GP6: variants seen among roughly 807,000 people sequenced by gnomAD.
GP6 encodes platelet glycoprotein VI.
A neutral mutation model predicts 37.3 loss-of-function variants in GP6; 45 were observed. The ratio of observed to expected loss-of-function variants is 1.21; its 90% CI spans 0.95 to 1.55. The LOEUF is 1.55. Among genes scored for constraint, GP6 ranks in the 40% most tolerant of loss-of-function variants. GP6 has a pLI of 0.00. For missense variants in GP6, 813 were observed against 760.2 expected, an observed-to-expected ratio of 1.07 and a Z score of -0.82; for synonymous variants, 340 against 316.4, an observed-to-expected ratio of 1.07 and a Z score of -0.79.
chr19:55,024,848 CAG>C (rs2074242963), intron 5 of GP6, among the ~76,000 whole-genome samples: 2 of 151,934 alleles, frequency 1.3e-5, no homozygotes, highest in African/African-American at 4.8e-5. Flanking sequence ...TTCAGTGACT[CAG>C]AAACAGAGTC....
chr19:55,034,742 C>CAT (rs2074763955), intron 1 of GP6, among the ~76,000 whole-genome samples: 1 of 151,616 alleles, frequency 6.6e-6, no homozygotes, highest in African/African-American at 2.4e-5. Context: ...CACACACACA[C>CAT]ACAAAGGCGG....
At chr19:55,032,009 G>A in intron 3 of GP6, 130 bp downstream of exon 3, 1 of 855,864 alleles carries the variant, frequency 1.2e-6, no homozygotes, top group South Asian at 1.4e-5. Context: ...ATCCATAAAT[G>A]TCGTGGCACC....
At chr19:55,019,717 G>A (rs1156714168) in intron 5 of GP6, among the ~76,000 whole-genome samples, 32 of 132,062 alleles carry the variant, frequency 2.4e-4, no homozygotes, top group African/African-American at 3.2e-4. Context: ...TTACTCTGTC[G>A]TCCAGGCTGG....
chr19:55,033,360 C>T (rs373938411), intron 1 of GP6, among the ~76,000 whole-genome samples: 4 of 59,094 alleles, frequency 6.8e-5, no homozygotes, highest in Admixed American at 2.3e-4. Flanking sequence ...TGGGCTCGTT[C>T]GTGTTGTGTT....
chr19:55,030,946 T>A (rs543431690), intron 3 of GP6, among the ~76,000 whole-genome samples: 1 of 152,238 alleles, frequency 6.6e-6, no homozygotes, highest in South Asian at 2.1e-4. Context: ...CCTCCCTGGC[T>A]CAAGCGATCC....
chr19:55,025,873 G>A (rs1247783560), intron 4 of GP6, among the ~76,000 whole-genome samples: 1 of 151,478 alleles, frequency 6.6e-6, no homozygotes, highest in Non-Finnish European at 1.5e-5. Flanking sequence ...ATGATGGCAG[G>A]TGCCTGTAAT....
chr19:55,031,716 C>T (rs2074564278), intron 3 of GP6, among the ~76,000 whole-genome samples: 1 of 152,138 alleles, frequency 6.6e-6, no homozygotes, highest in South Asian at 2.1e-4. Flanking sequence ...CACAGGAGTT[C>T]GAGACCAGCC....
intron 1 of GP6, among the ~76,000 whole-genome samples, chr19:55,035,412 G>A (rs970244494): frequency 1.6e-4 from 24 of 152,146 alleles, no homozygotes; most frequent in African/African-American, 5.3e-4. Context: ...GCATATCACC[G>A]ATAGTAGATT....
intron 3 of GP6, among the ~76,000 whole-genome samples, chr19:55,029,120 G>GAGGGAGGA (rs142664165): frequency 2.8e-5 from 4 of 145,138 alleles, no homozygotes; most frequent in South Asian, 4.3e-4. Context: ...GGGAGGGAGG[G>GAGGGAGGA]AGGAAGGAAG....
At chr19:55,017,722 C>G (rs2073927977) in intron 6 of GP6, among the ~76,000 whole-genome samples, 1 of 152,168 alleles carries the variant, frequency 6.6e-6, no homozygotes, top group South Asian at 2.1e-4. Context: ...GAACTGCATC[C>G]TGAGGGTGAT....
At chr19:55,019,114 T>TC (rs2073983093) in intron 5 of GP6, among the ~76,000 whole-genome samples, 1 of 149,350 alleles carries the variant, frequency 6.7e-6, no homozygotes, top group Non-Finnish European at 1.5e-5. Flanking sequence ...TTTCTTTTTT[T>TC]TTTTTTTTTG....
At chr19:55,032,484 A>G (rs756955728) in intron 2 of GP6, 22 bp downstream of exon 2, 3 of 1,613,702 alleles carry the variant, frequency 1.9e-6, no homozygotes, top group African/African-American at 2.7e-5. Flanking sequence ...GCAGGAGGGA[A>G]GGGGTCTGGG....
intron 5 of GP6, among the ~76,000 whole-genome samples, chr19:55,021,969 G>A (rs957716566): frequency 4.0e-5 from 6 of 151,786 alleles, no homozygotes; most frequent in African/African-American, 1.2e-4. Context: ...AGAAGTGACT[G>A]TTCATGTCCT....
intron 5 of GP6, among the ~76,000 whole-genome samples, chr19:55,021,446 C>T (rs2074079160): frequency 6.6e-6 from 1 of 151,526 alleles, no homozygotes. Flanking sequence ...AACTAATTTA[C>T]ATTCCCAACA....
Position 55,038,186 on chromosome 19 carries a change from T to C in GP6, c.34+17A>G. 1 of 1,579,148 alleles carries C rather than the reference T, an allele frequency of 6.3e-7. No homozygotes were observed. On this transcript the variant is annotated intron_variant, in intron 1 of 7. Transcript: ENST00000310373. ...CCTGTCCTTCAGCATTTCCCAGATC[T>C]GACCCTCAGGACTCACCAAGACAGA...
rs1471594672 is a variant in GP6, at chr19:55,029,368, A to T, written c.326-1506T>A. Among the ~76,000 whole-genome samples, 12 of 2,528 alleles carry T rather than the reference A, an allele frequency of 4.7e-3. 1 individual carries two copies. The highest frequency in any genetic ancestry group is 6.3e-3 in the Non-Finnish European group (10 of 1,586). The allele number at this position is 2,528 out of a possible 152,430, so 1.7% of individuals were successfully genotyped here. On this transcript the variant is annotated intron_variant, in intron 3 of 7. Transcript: ENST00000310373. ...TATATATATATATATATATATATAT[A>T]TATATATTTTTTTTTTTTTTTTTTT...
intron 5 of GP6, among the ~76,000 whole-genome samples, chr19:55,020,570 A>G (rs1379047672): frequency 2.0e-5 from 3 of 152,140 alleles, no homozygotes; most frequent in African/African-American, 7.2e-5. Context: ...TTATGGCTGC[A>G]TAGTATTCCA....
At position 55,032,221 on chromosome 19, in the gene GP6, A is replaced by C. The variant is rs1215307189; in HGVS notation, c.243T>G (p.Ser81Arg). ...AGGAGCAGCGGTAGCGTCCAGCCAG[A>C]CTTCTCTTCATGGCCGGGATGAAGA... The change falls in exon 3 of 8, where the codon AGT becomes AGG. Residue 81 changes from serine (S) to arginine (R), a missense_variant. Ser to Arg is a moderately radical substitution (Grantham distance 110). Coordinates refer to ENST00000310373, the MANE Select transcript of GP6 (RefSeq NM_001083899.2). 2 of 1,613,948 alleles carry C rather than the reference A, an allele frequency of 1.2e-6. No individual in the cohort carries two copies. Among genetic ancestry groups the C allele is most frequent in the Non-Finnish European group, 1.7e-6 (2 of 1,179,980 alleles).
Position 55,014,991 on chromosome 19 carries a change from AGCGGGAGGG to A in GP6, c.945_953del (p.Pro316_Ala318del), listed in dbSNP as rs760157972. 3.3e-4 allele frequency: 529 copies of A among 1,611,974 alleles called. 3 individuals are homozygous for A. The African/African-American group carries it at 5.6e-3, about 17-fold the overall frequency. On this transcript the variant is annotated inframe_deletion, in exon 8 of 8. Coordinates refer to ENST00000310373, the MANE Select transcript of GP6 (RefSeq NM_001083899.2). Reference sequence around the variant, plus strand: ...CTGACCCCCGTTTGATTTCCGGGTCAGCGGGAGGGGCGGGAGGGGCGGAAGCGGCCTCTG... The same window carrying A: ...CTGACCCCCGTTTGATTTCCGGGTCAGCGGGAGGGGCGGAAGCGGCCTCTG...
Sources: gnomAD v4.1 joint callset for allele counts (sites outside exome capture counted in the v4.1 genomes callset) on GRCh38, gnomAD v4.1.1 for gene constraint, MANE v1.5 for transcripts, NCBI Gene and HGNC (gene_info 2026-07-23, HGNC 2026-07-21) for gene names.